FHL2: variants seen among roughly 807,000 people sequenced by gnomAD.
FHL2 encodes four and a half LIM domains 2.
In FHL2, 20 loss-of-function variants were observed where a neutral mutation model predicts 32.7. The ratio of observed to expected loss-of-function variants is 0.61; its 90% CI spans 0.43 to 0.89. The LOEUF (loss-of-function observed/expected upper bound fraction) is 0.89. Ranked by LOEUF, FHL2 falls within the 40% of genes least tolerant of loss-of-function variation. FHL2 has a pLI of 0.00. For synonymous variants in FHL2, 123 were observed against 128.1 expected (o/e 0.96, Z 0.27); for missense variants, 311 against 358.6 (o/e 0.87, Z 1.07).
At position 105,360,884 on chromosome 2, in the gene FHL2, G is replaced by A. The variant is rs766063018; in HGVS notation, c.*399C>T. 4 of 158,194 alleles carry A rather than the reference G, an allele frequency of 2.5e-5. No homozygotes were observed. The highest frequency in any genetic ancestry group is 4.8e-5 in the African/African-American group (2 of 41,592). The allele number at this position is 158,194 out of a possible 1,614,324, so 9.8% of individuals were successfully genotyped here. On this transcript the variant is annotated 3_prime_UTR_variant, in exon 7 of 7. Coordinates refer to ENST00000530340, the MANE Select transcript of FHL2 (RefSeq NM_001318895.3). ...AATCTTGGTTTAGACTTGACGCAAC[G>A]GGAGGTTACAGAGCTGTAAATAACA...
chr2:105,364,968 T>C lies in FHL2; in HGVS notation c.502-1497A>G, dbSNP rs577539359. On this transcript the variant is annotated intron_variant, in intron 5 of 6. Coordinates refer to ENST00000530340, the MANE Select transcript of FHL2 (RefSeq NM_001318895.3). ...TAACCCACCCCACTGCACAAGAGAA[T>C]GAACACCAAACACGCTTGGTTGCAA... Among the ~76,000 whole-genome samples, 5 of 152,296 alleles carry C rather than the reference T, an allele frequency of 3.3e-5. 1 individual carries two copies. The East Asian group carries it at 9.6e-4, about 29-fold the overall frequency.
intron 3 of FHL2, among the ~76,000 whole-genome samples, chr2:105,382,303 T>G (rs1022145895): frequency 6.6e-6 from 1 of 152,190 alleles, no homozygotes; most frequent in African/African-American, 2.4e-5. Context: ...GGCCAGGTGG[T>G]CACCATCTCT....
intron 1 of FHL2, among the ~76,000 whole-genome samples, chr2:105,437,676 G>C (rs1489574129): frequency 6.6e-6 from 1 of 152,122 alleles, no homozygotes; most frequent in Non-Finnish European, 1.5e-5. Context: ...AGTCTGGCTA[G>C]AGGATGTTTA....
chr2:105,367,262 C>T (rs1573287553), intron 5 of FHL2, among the ~76,000 whole-genome samples: 1 of 152,162 alleles, frequency 6.6e-6, no homozygotes, highest in African/African-American at 2.4e-5. Context: ...AACAAGACAG[C>T]TTTGGGATGG....
chr2:105,402,042 T>C (rs1207004570), upstream of FHL2, among the ~76,000 whole-genome samples: 1 of 150,144 alleles, frequency 6.7e-6, no homozygotes, highest in African/African-American at 2.4e-5. Flanking sequence ...AATATATATA[T>C]ACGTATATAT....
chr2:105,409,422 C>A lies in FHL2; in HGVS notation c.-24-22882G>T, dbSNP rs115868976. Among the ~76,000 whole-genome samples, 964 of 152,302 alleles carry A rather than the reference C, an allele frequency of 6.3e-3. 13 individuals are homozygous for A. Among genetic ancestry groups the A allele is most frequent in the African/African-American group, 0.022 (923 of 41,568 alleles). Reference sequence around the variant, plus strand: ...TGGCTGTGGCTATTCTAAGTAGGCCCTGGCATTGCAAGCCCAGCAAGATAG... The same window carrying A: ...TGGCTGTGGCTATTCTAAGTAGGCCATGGCATTGCAAGCCCAGCAAGATAG... On this transcript the variant is annotated intron_variant, in intron 1 of 5. Coordinates refer to the FHL2 transcript ENST00000393352.
At chr2:105,429,885 G>A (rs1374821900) in intron 1 of FHL2, among the ~76,000 whole-genome samples, 2 of 152,256 alleles carry the variant, frequency 1.3e-5, no homozygotes, top group South Asian at 2.1e-4. Context: ...GTGATACAAC[G>A]TGGGCTCAGT....
chr2:105,404,379 T>A (rs1161795793), intron 1 of FHL2, among the ~76,000 whole-genome samples: 1 of 152,128 alleles, frequency 6.6e-6, no homozygotes, highest in African/African-American at 2.4e-5. Context: ...TCAGGAGTGA[T>A]CAAACCAGCA....
chr2:105,428,825 C>A (rs1573409432), intron 1 of FHL2, among the ~76,000 whole-genome samples: 1 of 152,228 alleles, frequency 6.6e-6, no homozygotes, highest in Non-Finnish European at 1.5e-5. Flanking sequence ...CTGCCCTTGG[C>A]GGCTGCTCTG....
At chr2:105,373,331 G>T (rs1454454608) in intron 4 of FHL2, among the ~76,000 whole-genome samples, 1 of 152,186 alleles carries the variant, frequency 6.6e-6, no homozygotes, top group African/African-American at 2.4e-5. Context: ...CAATTTGACT[G>T]CATAACACTG....
intron 2 of FHL2, chr2:105,390,302 G>C (rs1047243372): frequency 3.9e-5 from 6 of 152,714 alleles, no homozygotes; most frequent in African/African-American, 1.4e-4. Context: ...CTCAAAGTAC[G>C]ACTGAGGTTA....
intron 3 of FHL2, 89 bp downstream of exon 3, chr2:105,386,272 G>A: frequency 6.8e-7 from 1 of 1,467,194 alleles, no homozygotes; most frequent in South Asian, 1.3e-5. Flanking sequence ...ACAGACTTCA[G>A]TGGTGGATCA....
chr2:105,399,418 G>T, upstream of FHL2: 3 of 1,536,122 alleles, frequency 2.0e-6, no homozygotes, highest in Non-Finnish European at 2.6e-6. Context: ...AGGACGTGCC[G>T]GGGGAGGCGG....
chr2:105,385,223 C>T (rs141882307), intron 3 of FHL2, among the ~76,000 whole-genome samples: 8 of 152,252 alleles, frequency 5.3e-5, no homozygotes, highest in East Asian at 1.9e-4. Flanking sequence ...AGGTCTCTTT[C>T]GCTACAAGAT....
At chr2:105,417,294 A>G in intron 1 of FHL2, among the ~76,000 whole-genome samples, 1 of 152,054 alleles carries the variant, frequency 6.6e-6, no homozygotes, top group East Asian at 1.9e-4. Flanking sequence ...AGGCAGGAGA[A>G]TCGCTTGAAC....
At chr2:105,388,724 C>T (rs1325965128) in intron 2 of FHL2, among the ~76,000 whole-genome samples, 1 of 151,776 alleles carries the variant, frequency 6.6e-6, no homozygotes, top group Admixed American at 6.6e-5. Context: ...ATCCCAGCTA[C>T]TCAGGACGCT....
At chr2:105,364,729 A>G (rs1465734972) in intron 5 of FHL2, among the ~76,000 whole-genome samples, 1 of 152,212 alleles carries the variant, frequency 6.6e-6, no homozygotes, top group African/African-American at 2.4e-5. Flanking sequence ...TTTCAGTATC[A>G]TGCAGTAACT....
At chr2:105,359,408 A>T (rs1043605274), downstream of FHL2, 1 of 152,242 alleles carries the variant, frequency 6.6e-6, no homozygotes, top group African/African-American at 2.4e-5. Flanking sequence ...CATTCCAGAC[A>T]TTATCAAACA....
At chr2:105,408,402 T>C (rs1683699657) in intron 1 of FHL2, among the ~76,000 whole-genome samples, 1 of 152,200 alleles carries the variant, frequency 6.6e-6, no homozygotes, top group Admixed American at 6.5e-5. Flanking sequence ...AATCCTAATG[T>C]TGATTTGAGC....
Sources: gnomAD v4.1 joint callset for allele counts (sites outside exome capture counted in the v4.1 genomes callset) on GRCh38, gnomAD v4.1.1 for gene constraint, MANE v1.5 for transcripts, NCBI Gene and HGNC (gene_info 2026-07-23, HGNC 2026-07-21) for gene names.